The following RNF24 variants were observed in gnomAD, a reference collection of about 807,000 sequenced individuals.
The protein encoded by RNF24 is ring finger protein 24.
Under a neutral mutation model 20.0 loss-of-function variants are expected in RNF24, and 14 were observed. The ratio of observed to expected loss-of-function variants is 0.70; its 90% CI spans 0.46 to 1.10. The LOEUF is 1.10. Among genes scored for constraint, RNF24 ranks in the 50% least tolerant of loss-of-function variants. RNF24 has a pLI of 0.00. For synonymous variants in RNF24, 45 were observed against 61.1 expected, an observed-to-expected ratio of 0.74 and a Z score of 1.23; for missense variants, 124 against 177.6, an observed-to-expected ratio of 0.70 and a Z score of 1.71.
At chr20:3,964,679 C>T (rs1168522102) in intron 1 of RNF24, among the ~76,000 whole-genome samples, 1 of 152,110 alleles carries the variant, frequency 6.6e-6, no homozygotes, top group East Asian at 1.9e-4. Context: ...CGTGCCACCA[C>T]ACCTAGCTAA....
rs1281323301 is a variant in RNF24, at chr20:3,963,887, C to A, written c.131G>T (p.Cys44Phe). ...FVFILSLLFC[C>F]YLIRLRHQAH... ...GAAAATTGGTTACCTAATCAAGTAG[C>A]AACAGAAGAGTAAACTAAGGATGAA... The change falls in exon 2 of 6, where the codon TGC becomes TTC. Residue 44 changes from cysteine to phenylalanine, a missense_variant. By Grantham distance (205) the Cys-to-Phe change is radical. Coordinates refer to ENST00000358395, the MANE Select transcript of RNF24 (RefSeq NM_001134337.3). The A allele has an allele frequency of 3.2e-6, 5 of 1,582,940 alleles. No homozygotes were observed. The highest frequency in any genetic ancestry group is 1.8e-5 in the Admixed American group (1 of 56,432).
At chr20:3,945,440 C>T (rs1418991987) in intron 3 of RNF24, among the ~76,000 whole-genome samples, 4 of 152,120 alleles carry the variant, frequency 2.6e-5, no homozygotes, top group Non-Finnish European at 5.9e-5. Context: ...TTTGGCCGAG[C>T]ATAGTGGCTC....
At chr20:3,966,507 T>TGTGTGTGTGTGTGTGTGTGTGTGTGTG (rs60638000) in intron 1 of RNF24, among the ~76,000 whole-genome samples, 68 of 145,416 alleles carry the variant, frequency 4.7e-4, no homozygotes, top group Non-Finnish European at 7.5e-4. Flanking sequence ...TGTGTGTGTG[T>TGTGTGTGTGTGTGTGTGTGTGTGTGTG]TTGGGGAAAG....
At chr20:4,013,593 T>C (rs979501319) in intron 1 of RNF24, among the ~76,000 whole-genome samples, 1 of 151,620 alleles carries the variant, frequency 6.6e-6, no homozygotes, top group Non-Finnish European at 1.5e-5. Context: ...GCGATTCTCC[T>C]GCCTCAGCCT....
chr20:3,964,377 GC>G (rs1431327413), intron 1 of RNF24, among the ~76,000 whole-genome samples: 1 of 152,110 alleles, frequency 6.6e-6, no homozygotes, highest in East Asian at 1.9e-4. Context: ...AAACTCTTTA[GC>G]CTTTAACCTA....
intron 3 of RNF24, among the ~76,000 whole-genome samples, chr20:3,946,630 G>A (rs1025553926): frequency 6.7e-6 from 1 of 149,084 alleles, no homozygotes; most frequent in African/African-American, 2.5e-5. Context: ...GCCCAGGGAG[G>A]TCAAGGCTGC....
rs6116148 is a variant in RNF24, at chr20:4,003,237, G to A, written c.-8+12200C>T. Among the ~76,000 whole-genome samples the A allele has an allele frequency of 4.7e-3, 719 of 152,288 alleles. 8 individuals carry two copies. The highest frequency in any genetic ancestry group is 0.016 in the African/African-American group (685 of 41,570). On this transcript the variant is annotated intron_variant, in intron 1 of 5. Transcript: ENST00000358395. ...ACCCACCTCGGCCTACCAAAGTGCT[G>A]GGATTACAGGCGTGAACCACCACGC...
intron 2 of RNF24, among the ~76,000 whole-genome samples, chr20:3,961,842 ATTTT>A (rs1449347281): frequency 6.6e-6 from 1 of 152,110 alleles, no homozygotes; most frequent in African/African-American, 2.4e-5. Context: ...AAAAAACCAT[ATTTT>A]TATATTCTGA....
chr20:3,953,457 C>T (rs2091104955), intron 2 of RNF24, among the ~76,000 whole-genome samples: 1 of 124,102 alleles, frequency 8.1e-6, no homozygotes, highest in Non-Finnish European at 1.7e-5. Flanking sequence ...TGGCCCAAAA[C>T]ACATTCTCTC....
At chr20:3,966,048 C>T (rs940364570) in intron 1 of RNF24, among the ~76,000 whole-genome samples, 2 of 142,350 alleles carry the variant, frequency 1.4e-5, no homozygotes, top group Non-Finnish European at 3.0e-5. Context: ...GCAGGGGAAT[C>T]GCTCAAACCA....
intron 1 of RNF24, among the ~76,000 whole-genome samples, chr20:3,975,743 CAGAG>C (rs998391427): frequency 1.3e-5 from 2 of 151,966 alleles, no homozygotes; most frequent in African/African-American, 2.4e-5. Flanking sequence ...AAGAGACACA[CAGAG>C]AGAGATACAG....
At chr20:3,941,766 A>G (rs574629952) in intron 4 of RNF24, among the ~76,000 whole-genome samples, 91 of 152,186 alleles carry the variant, frequency 6.0e-4, no homozygotes, top group Non-Finnish European at 1.0e-3. Context: ...ATATAATTCA[A>G]TGGGTAGATT....
chr20:3,952,171 T>C (rs1216571825), intron 2 of RNF24, among the ~76,000 whole-genome samples: 1 of 151,954 alleles, frequency 6.6e-6, no homozygotes, highest in Non-Finnish European at 1.5e-5. Context: ...AAAAACCCTC[T>C]TGGGGTTTTG....
intron 1 of RNF24, among the ~76,000 whole-genome samples, chr20:3,979,593 T>C (rs1979211699): frequency 6.6e-6 from 1 of 152,266 alleles, no homozygotes; most frequent in African/African-American, 2.4e-5. Flanking sequence ...GAGAATCCCT[T>C]GAACCCAGGA....
chr20:4,005,563 C>T (rs1293338671), intron 1 of RNF24, among the ~76,000 whole-genome samples: 1 of 152,176 alleles, frequency 6.6e-6, no homozygotes, highest in Non-Finnish European at 1.5e-5. Context: ...ACTACATTAA[C>T]TCATAATTTG....
intron 1 of RNF24, among the ~76,000 whole-genome samples, chr20:3,968,107 C>T (rs2091278893): frequency 6.6e-6 from 1 of 151,060 alleles, no homozygotes. Context: ...AGTTCGAGAC[C>T]TGCCTGGCTA....
chr20:3,981,783 C>G (rs1009592540), intron 1 of RNF24, among the ~76,000 whole-genome samples: 2 of 152,144 alleles, frequency 1.3e-5, no homozygotes, highest in Non-Finnish European at 2.9e-5. Flanking sequence ...ATTTTCAAGG[C>G]TATTCTTACA....
In RNF24 at chr20:3,992,656, T is replaced by G. The variant is rs1042095255; in HGVS notation, c.-8+22781A>C. Among the ~76,000 whole-genome samples, 4 of 152,102 alleles carry G rather than the reference T, an allele frequency of 2.6e-5. No individual in the cohort carries two copies. In the East Asian group the frequency reaches 7.7e-4, roughly 29 times the overall value. ...TGTAAGTCTCGTACAATTGGTAGACTGGACATTGTATCTCTCTAGGGTCTC... is the reference window on the plus strand; with the variant it reads ...TGTAAGTCTCGTACAATTGGTAGACGGGACATTGTATCTCTCTAGGGTCTC... On this transcript the variant is annotated intron_variant, in intron 1 of 5. Coordinates refer to ENST00000358395, the MANE Select transcript of RNF24 (RefSeq NM_001134337.3).
intron 1 of RNF24, 164 bp downstream of exon 1, chr20:4,015,273 C>A (rs190320739): frequency 9.2e-5 from 14 of 152,352 alleles, no homozygotes; most frequent in Admixed American, 9.1e-4. Context: ...CTCACCCCTG[C>A]ACACCGCGCC....
Sources: allele counts gnomAD v4.1 joint callset (sites outside exome capture counted in the v4.1 genomes callset), GRCh38; gene constraint gnomAD v4.1.1; transcripts MANE v1.5; gene names NCBI Gene and HGNC (gene_info 2026-07-23, HGNC 2026-07-21).